The following AMPD3 variants were observed in gnomAD, a reference collection of about 807,000 sequenced individuals.
AMPD3 encodes the protein AMP deaminase 3.
Under a neutral mutation model 82.3 loss-of-function variants are expected in AMPD3, and 57 were observed. The observed-to-expected ratio is 0.69, with a 90% CI of 0.56 to 0.86. AMPD3 has a LOEUF of 0.86. Ranked by LOEUF, AMPD3 falls within the 40% of genes least tolerant of loss-of-function variation. AMPD3 has a pLI of 0.00. For synonymous variants in AMPD3, 381 were observed against 394.7 expected (o/e 0.97, Z 0.41); for missense variants, 870 against 1,003.8 (o/e 0.87, Z 1.80).
chr11:10,503,130 CTCTT>C (rs945981556), intron 13 of AMPD3, among the ~76,000 whole-genome samples: 1 of 152,154 alleles, frequency 6.6e-6, no homozygotes, highest in African/African-American at 2.4e-5. Context: ...CCTCTATTTT[CTCTT>C]TCTTTGACAT....
At chr11:10,479,670 T>C (rs1564846332) in intron 3 of AMPD3, among the ~76,000 whole-genome samples, 1 of 152,252 alleles carries the variant, frequency 6.6e-6, no homozygotes, top group East Asian at 1.9e-4. Context: ...CCTACAATTA[T>C]TTATGCATAC....
At chr11:10,479,676 C>T (rs1264951845) in intron 3 of AMPD3, among the ~76,000 whole-genome samples, 1 of 152,194 alleles carries the variant, frequency 6.6e-6, no homozygotes, top group Non-Finnish European at 1.5e-5. Context: ...ATTATTTATG[C>T]ATACATAGTT....
At chr11:10,470,039 CA>C (rs58806706) in intron 2 of AMPD3, among the ~76,000 whole-genome samples, 50,174 of 101,624 alleles carry the variant, frequency 0.49, 9,015 homozygotes, top group East Asian at 0.68. Context: ...GACTCCGTCT[CA>C]AAAAAAAAAA....
In AMPD3 at chr11:10,506,063, T is replaced by A; in HGVS notation, c.*179T>A. 1 of 679,820 alleles carries A rather than the reference T, an allele frequency of 1.5e-6. No individual in the cohort carries two copies. Among genetic ancestry groups the A allele is most frequent in the Non-Finnish European group, 2.6e-6 (1 of 384,554 alleles). The allele number at this position is 679,820 out of a possible 1,614,324, so 42.1% of individuals were successfully genotyped here. On this transcript the variant is annotated 3_prime_UTR_variant, in exon 15 of 15. Transcript: ENST00000396553. The surrounding 1 kb of genome is among the most constrained non-coding windows in gnomAD (Gnocchi z 4.1). ...AAGAGTTAACATGCTCACTTGTTAG[T>A]ATTTCTGAGTAACAAGATGGTGACT...
At chr11:10,503,952 G>A in intron 13 of AMPD3, 1 of 985,390 alleles carries the variant, frequency 1.0e-6, no homozygotes, top group Non-Finnish European at 1.2e-6. Context: ...GTGGGGAAGA[G>A]GTCACAGACG....
Position 10,500,265 on chromosome 11 carries a change from C to T in AMPD3, c.1721+16C>T, listed in dbSNP as rs1849539242. ...ACCTCCGCAGGTGCGTGAGGCCTGC[C>T]CTCGCACATGCTTGGGTTCATGTGT... On this transcript the variant is annotated intron_variant, in intron 11 of 14. Coordinates refer to ENST00000396553, the MANE Select transcript of AMPD3 (RefSeq NM_001025389.2). 1 of 1,613,860 alleles carries T rather than the reference C, an allele frequency of 6.2e-7. No homozygotes were observed. The highest frequency in any genetic ancestry group is 1.1e-5 in the South Asian group (1 of 91,078).
chr11:10,483,165 A>G (rs975459241), intron 4 of AMPD3, among the ~76,000 whole-genome samples: 1 of 152,200 alleles, frequency 6.6e-6, no homozygotes, highest in Admixed American at 6.5e-5. Flanking sequence ...AGCTACATTT[A>G]TGCTGCCGAG....
At chr11:10,481,877 C>T (rs760038189) in intron 3 of AMPD3, 186 bp from the exon 4 acceptor site, 1 of 710,592 alleles carries the variant, frequency 1.4e-6, no homozygotes, top group Non-Finnish European at 2.5e-6. Context: ...CAACATAAAC[C>T]ATATTGTTTG....
chr11:10,469,778 G>T (rs960279549), intron 2 of AMPD3, among the ~76,000 whole-genome samples: 1 of 152,160 alleles, frequency 6.6e-6, no homozygotes, highest in Non-Finnish European at 1.5e-5. Flanking sequence ...GGTGGCTCAC[G>T]CCTGTAATCC....
rs79528454 is a variant in AMPD3 at position 10,493,815 on chromosome 11, A to G, written c.1134+272A>G. On this transcript the variant is annotated intron_variant, in intron 7 of 14. Coordinates refer to ENST00000396553, the MANE Select transcript of AMPD3 (RefSeq NM_001025389.2). ...AGTTTTGTGCCCTTAGGCAACTCAC[A>G]GAAGCCTTTATTTCCTTGCCTATAA... 3.7e-3 allele frequency: 1,977 copies of G among 540,970 alleles called. 36 individuals are homozygous for G. Among genetic ancestry groups the G allele is most frequent in the African/African-American group, 0.033 (1,723 of 52,866 alleles). 33.5% of individuals were successfully genotyped at this position (540,970 alleles called of 1,614,324 possible).
At chr11:10,475,534 T>G (rs1417914422) in intron 2 of AMPD3, among the ~76,000 whole-genome samples, 1 of 152,150 alleles carries the variant, frequency 6.6e-6, no homozygotes, top group African/African-American at 2.4e-5. Flanking sequence ...GGAGGTAGAA[T>G]TTCTAAAACG....
chr11:10,491,184 G>A (rs1053061203), intron 6 of AMPD3, among the ~76,000 whole-genome samples: 1 of 152,208 alleles, frequency 6.6e-6, no homozygotes, highest in African/African-American at 2.4e-5. Context: ...TCTAATGGCT[G>A]TCAGCAGCCT....
intron 2 of AMPD3, among the ~76,000 whole-genome samples, chr11:10,475,631 A>C (rs577459107): frequency 6.6e-6 from 1 of 152,202 alleles, no homozygotes; most frequent in Non-Finnish European, 1.5e-5. Flanking sequence ...AATATGGCAC[A>C]GTTGACCTTA....
chr11:10,467,765 G>C (rs937331165), intron 2 of AMPD3, among the ~76,000 whole-genome samples: 10 of 152,318 alleles, frequency 6.6e-5, no homozygotes, highest in African/African-American at 2.4e-4. Flanking sequence ...GGCAGCCAGA[G>C]AGAAAGGTCA....
At chr11:10,487,146 C>T in intron 5 of AMPD3, 89 bp from the exon 6 acceptor site, 1 of 1,600,018 alleles carries the variant, frequency 6.2e-7, no homozygotes, top group South Asian at 1.1e-5. Context: ...CCCTTCCAGC[C>T]AGGGTTGGCC....
intron 2 of AMPD3, among the ~76,000 whole-genome samples, chr11:10,464,454 A>G (rs1290957163): frequency 2.0e-5 from 3 of 152,186 alleles, no homozygotes; most frequent in Non-Finnish European, 2.9e-5. Context: ...CACTTCAACC[A>G]TAAGGCTATC....
intron 4 of AMPD3, among the ~76,000 whole-genome samples, chr11:10,482,725 C>T (rs995062917): frequency 1.3e-5 from 2 of 152,064 alleles, no homozygotes; most frequent in Non-Finnish European, 2.9e-5. Flanking sequence ...GGGGTCTTAC[C>T]ATGTTGCCCA....
At chr11:10,497,511 G>C (rs1017301152) in intron 10 of AMPD3, 1 of 921,298 alleles carries the variant, frequency 1.1e-6, no homozygotes, top group Non-Finnish European at 1.3e-6. Flanking sequence ...GATCGAGGGG[G>C]TATCAGATGG....
At chr11:10,461,801 G>T in intron 2 of AMPD3, 61 bp downstream of exon 2, 4 of 1,516,542 alleles carry the variant, frequency 2.6e-6, no homozygotes, top group Non-Finnish European at 3.6e-6. Flanking sequence ...GCAGGCTGTG[G>T]GTGTGTGTCC....
Sources: allele counts gnomAD v4.1 joint callset (sites outside exome capture counted in the v4.1 genomes callset), GRCh38; gene constraint gnomAD v4.1.1; non-coding constraint Gnocchi (gnomAD v3.1); transcripts MANE v1.5; gene names NCBI Gene and HGNC (gene_info 2026-07-23, HGNC 2026-07-21).